The following EDNRB variants were observed in gnomAD, a reference collection of about 807,000 sequenced individuals.
EDNRB encodes the protein Hirschsprung disease 2.
A neutral mutation model predicts 46.4 loss-of-function variants in EDNRB; 18 were observed. That is an observed-to-expected ratio of 0.39 (90% CI 0.27 to 0.57). The LOEUF is 0.57. Among genes scored for constraint, EDNRB ranks in the 20% least tolerant of loss-of-function variants. EDNRB has a pLI of 0.61. For missense variants in EDNRB, 434 were observed against 537.5 expected, an observed-to-expected ratio of 0.81 and a Z score of 1.90; for synonymous variants, 213 against 204.9, an observed-to-expected ratio of 1.04 and a Z score of -0.34.
At chr13:77,928,232 T>C (rs1880294289) in intron 1 of EDNRB, among the ~76,000 whole-genome samples, 1 of 152,200 alleles carries the variant, frequency 6.6e-6, no homozygotes, top group Non-Finnish European at 1.5e-5. Flanking sequence ...ACTTTTATTA[T>C]ATATATGAGT....
At chr13:77,963,663 A>G (rs1484695828) in intron 1 of EDNRB, among the ~76,000 whole-genome samples, 1 of 152,220 alleles carries the variant, frequency 6.6e-6, no homozygotes, top group Non-Finnish European at 1.5e-5. Flanking sequence ...AAACCATAAA[A>G]ACCCTAGAAG....
chr13:77,968,763 G>T (rs559770511), intron 1 of EDNRB, among the ~76,000 whole-genome samples: 1 of 152,142 alleles, frequency 6.6e-6, no homozygotes, highest in African/African-American at 2.4e-5. Flanking sequence ...TCATACTCAC[G>T]TCTTCTGCCT....
At chr13:77,943,543 T>C (rs1211835393) in intron 1 of EDNRB, among the ~76,000 whole-genome samples, 2 of 152,124 alleles carry the variant, frequency 1.3e-5, no homozygotes, top group African/African-American at 4.8e-5. Context: ...CTTCGAAAGA[T>C]ATTCCCTAGT....
intron 1 of EDNRB, among the ~76,000 whole-genome samples, chr13:77,936,339 G>C (rs1880563708): frequency 6.6e-6 from 1 of 152,120 alleles, no homozygotes; most frequent in Admixed American, 6.5e-5. Flanking sequence ...CTAAAAAGGA[G>C]TGCTTAAAAG....
intron 1 of EDNRB, chr13:77,947,803 A>G (rs1164362963): frequency 6.9e-6 from 1 of 144,080 alleles, no homozygotes; most frequent in African/African-American, 2.6e-5. Context: ...TTTTGTAGAG[A>G]CAGGGTCTCA....
At chr13:77,961,341 T>C (rs1012284897) in intron 1 of EDNRB, among the ~76,000 whole-genome samples, 1 of 152,074 alleles carries the variant, frequency 6.6e-6, no homozygotes. Context: ...ATCAACAGAA[T>C]ATACTTTCTT....
chr13:77,965,709 G>T (rs1215527469), intron 1 of EDNRB, among the ~76,000 whole-genome samples: 1 of 152,116 alleles, frequency 6.6e-6, no homozygotes, highest in Non-Finnish European at 1.5e-5. Context: ...TTGATTCCAT[G>T]TGTTGAAAAT....
upstream of EDNRB, chr13:77,919,179 G>T (rs1879982979): frequency 5.1e-6 from 3 of 585,142 alleles, no homozygotes; most frequent in Non-Finnish European, 8.5e-6. Context: ...TCGGAAACCC[G>T]CAGAGACTTC....
intron 1 of EDNRB, among the ~76,000 whole-genome samples, chr13:77,931,205 A>G (rs757809190): frequency 2.2e-4 from 34 of 152,220 alleles, no homozygotes; most frequent in Non-Finnish European, 8.8e-5. Flanking sequence ...TGAGACTAAA[A>G]TAAAAATAAA....
At chr13:77,957,398 C>T (rs1881270900) in intron 1 of EDNRB, among the ~76,000 whole-genome samples, 1 of 152,168 alleles carries the variant, frequency 6.6e-6, no homozygotes, top group Non-Finnish European at 1.5e-5. Context: ...TTGGTATTTA[C>T]AGGCATAAAG....
At chr13:77,960,047 C>A (rs1016132514) in intron 1 of EDNRB, among the ~76,000 whole-genome samples, 2 of 151,972 alleles carry the variant, frequency 1.3e-5, no homozygotes, top group African/African-American at 4.8e-5. Flanking sequence ...GTGAAAAGAC[C>A]AAATTTACAT....
At chr13:77,921,986 T>C (rs913104534), upstream of EDNRB, among the ~76,000 whole-genome samples, 1 of 152,184 alleles carries the variant, frequency 6.6e-6, no homozygotes, top group Non-Finnish European at 1.5e-5. Flanking sequence ...AAATCTGTTA[T>C]CGATAAATTT....
At chr13:77,910,361 T>C (rs750500887) in intron 1 of EDNRB, among the ~76,000 whole-genome samples, 2 of 151,932 alleles carry the variant, frequency 1.3e-5, no homozygotes, top group Non-Finnish European at 2.9e-5. Context: ...GGAAAGGGTG[T>C]ATTCTGTTTT....
chr13:77,926,533 A>G (rs1348337416), intron 1 of EDNRB, among the ~76,000 whole-genome samples: 1 of 152,154 alleles, frequency 6.6e-6, no homozygotes, highest in East Asian at 1.9e-4. Context: ...CAAGTTCCTC[A>G]TCTCCATCTG....
chr13:77,900,979 T>TATC (rs557528185), intron 4 of EDNRB, 79 bp downstream of exon 4: 107 of 1,532,554 alleles, frequency 7.0e-5, no homozygotes, highest in Non-Finnish European at 8.4e-5. Flanking sequence ...AATGTTAGTT[T>TATC]ATCATCATCA....
At chr13:77,899,994 CT>C in intron 5 of EDNRB, 27 bp from the exon 6 acceptor site, 2 of 1,583,966 alleles carry the variant, frequency 1.3e-6, no homozygotes, top group Non-Finnish European at 1.7e-6. Flanking sequence ...CAAAATGTGT[CT>C]GAAAAATATG....
At chr13:77,945,429 A>G (rs1880875618) in intron 1 of EDNRB, among the ~76,000 whole-genome samples, 1 of 152,190 alleles carries the variant, frequency 6.6e-6, no homozygotes, top group Non-Finnish European at 1.5e-5. Context: ...TCCCATTCTT[A>G]CAACAAGAAA....
chr13:77,919,019 G>T, upstream of EDNRB: 1 of 692,130 alleles, frequency 1.4e-6, no homozygotes, highest in Non-Finnish European at 1.9e-6. Context: ...AGAGGCCAAG[G>T]GCTTGTGTCA....
Position 77,899,882 on chromosome 13 carries a change from T to G in EDNRB, c.1171A>C (p.Lys391Gln), listed in dbSNP as rs1466632176. 1 of 1,611,706 alleles carries G rather than the reference T, an allele frequency of 6.2e-7. No individual in the cohort carries two copies. The highest frequency in any genetic ancestry group is 1.3e-5 in the African/African-American group (1 of 74,788). The change falls in exon 6 of 7, where the codon AAA (lysine) becomes CAA (glutamine). Residue 391 changes from lysine to glutamine, a missense_variant. Lys to Gln is a moderately conservative substitution (Grantham distance 53). Transcript: ENST00000646607. ...ACCTTAAAGCAGTTTTTGAATCTTT[T>G]GCTCACCAAATACAGAGCAATTGGG... is the stretch of plus-strand genomic sequence containing the variant. ...INPIALYLVS[K>Q]RFKNCFKSCL... is the part of the protein sequence containing the mutation.
Sources: allele counts gnomAD v4.1 joint callset (sites outside exome capture counted in the v4.1 genomes callset), GRCh38; gene constraint gnomAD v4.1.1; transcripts MANE v1.5; gene names NCBI Gene and HGNC (gene_info 2026-07-23, HGNC 2026-07-21).